The following ST6GALNAC5 variants were observed in gnomAD, a reference collection of about 807,000 sequenced individuals.
ST6GALNAC5 encodes the protein alpha-N-acetylgalactosaminide alpha-2,6-sialyltransferase 5.
ST6GALNAC5 carries 27 observed loss-of-function variants against 33.6 expected under a neutral mutation model. The ratio of observed to expected loss-of-function variants is 0.80; its 90% CI spans 0.59 to 1.11. The LOEUF (loss-of-function observed/expected upper bound fraction) is 1.11. Among genes scored for constraint, ST6GALNAC5 ranks in the 50% least tolerant of loss-of-function variants. The pLI is 0.00. For synonymous variants in ST6GALNAC5, 194 were observed against 171.2 expected (o/e 1.13, Z -1.04); for missense variants, 428 against 454.0 (o/e 0.94, Z 0.52).
chr1:77,034,399 C>T (rs1432512525), intron 2 of ST6GALNAC5, among the ~76,000 whole-genome samples: 1 of 152,160 alleles, frequency 6.6e-6, no homozygotes, highest in African/African-American at 2.4e-5. Flanking sequence ...TGACCTCACC[C>T]TGACTTACAT....
intron 2 of ST6GALNAC5, among the ~76,000 whole-genome samples, chr1:76,913,097 CT>C (rs1160276336): frequency 1.3e-5 from 2 of 152,002 alleles, no homozygotes; most frequent in Admixed American, 1.3e-4. Context: ...TTCAGGAGCT[CT>C]TTTAGGGCAG....
chr1:77,043,918 C>CT (rs1651916797), intron 2 of ST6GALNAC5, among the ~76,000 whole-genome samples: 1 of 152,148 alleles, frequency 6.6e-6, no homozygotes, highest in African/African-American at 2.4e-5. Flanking sequence ...AGAAACCTTG[C>CT]TGGGTTGATG....
intron 2 of ST6GALNAC5, among the ~76,000 whole-genome samples, chr1:76,915,788 A>G (rs535521915): frequency 5.9e-5 from 9 of 152,156 alleles, no homozygotes; most frequent in African/African-American, 2.2e-4. Flanking sequence ...GCACATGTAT[A>G]CATAGGTAAG....
intron 2 of ST6GALNAC5, among the ~76,000 whole-genome samples, chr1:76,961,707 T>C (rs1311734420): frequency 6.6e-6 from 1 of 152,202 alleles, no homozygotes; most frequent in Non-Finnish European, 1.5e-5. Context: ...TGCTTGGATA[T>C]CTTTCAGATC....
intron 2 of ST6GALNAC5, among the ~76,000 whole-genome samples, chr1:77,038,707 T>C (rs905138744): frequency 6.6e-6 from 1 of 152,252 alleles, no homozygotes; most frequent in African/African-American, 2.4e-5. Context: ...TTCCTTCTGC[T>C]CTTGCTCTTC....
intron 2 of ST6GALNAC5, among the ~76,000 whole-genome samples, chr1:76,958,838 C>T (rs1331176434): frequency 6.6e-6 from 1 of 152,140 alleles, no homozygotes; most frequent in Admixed American, 6.5e-5. Context: ...CCCAAAAAAG[C>T]CATGCCTGGA....
In ST6GALNAC5 at chr1:77,014,198, C is replaced by T. The variant is rs114701107; in HGVS notation, c.262-30006C>T. ...CTCTAACCTTTTCCTCTAACCTTTT[C>T]GGCAGCTCAGATGTGGAGGCTGGAT... On this transcript the variant is annotated intron_variant, in intron 2 of 4. Transcript: ENST00000477717. 2.0e-3 allele frequency among the ~76,000 whole-genome samples: 301 copies of T among 152,300 alleles called. 1 individual carries two copies. Among genetic ancestry groups the T allele is most frequent in the Non-Finnish European group, 3.3e-3 (227 of 68,022 alleles).
intron 2 of ST6GALNAC5, among the ~76,000 whole-genome samples, chr1:76,990,885 C>G (rs938490710): frequency 1.3e-5 from 2 of 152,082 alleles, no homozygotes; most frequent in Non-Finnish European, 2.9e-5. Context: ...GGCAGAGAGC[C>G]TTTACCATTT....
At chr1:76,976,429 A>G (rs759644827) in intron 2 of ST6GALNAC5, among the ~76,000 whole-genome samples, 1 of 152,176 alleles carries the variant, frequency 6.6e-6, no homozygotes, top group Non-Finnish European at 1.5e-5. Flanking sequence ...TGTTGATTAT[A>G]TAAAAAGAAC....
chr1:76,912,135 C>T (rs1275867624), intron 2 of ST6GALNAC5, among the ~76,000 whole-genome samples: 4 of 152,006 alleles, frequency 2.6e-5, no homozygotes, highest in Non-Finnish European at 5.9e-5. Flanking sequence ...TCTTTGTTCT[C>T]GTTGGTTTCA....
chr1:77,061,327 GTTGTCAGAGCCA>G lies in ST6GALNAC5; in HGVS notation c.780-1647_780-1636del, dbSNP rs773980430. 6.3e-3 allele frequency among the ~76,000 whole-genome samples: 960 copies of G among 152,278 alleles called. 4 individuals are homozygous for G. Among genetic ancestry groups the G allele is most frequent in the Non-Finnish European group, 9.9e-3 (676 of 67,996 alleles). On this transcript the variant is annotated intron_variant, in intron 4 of 4. Transcript: ENST00000477717. Reference sequence around the variant, plus strand: ...AGGAGAAACAGCTCAAAGGTTTATTGTTGTCAGAGCCAAAAACATGACACCCCTCTTGATAAA... The same window carrying G: ...AGGAGAAACAGCTCAAAGGTTTATTGAAAACATGACACCCCTCTTGATAAA...
intron 3 of ST6GALNAC5, among the ~76,000 whole-genome samples, chr1:77,045,530 G>T (rs1302835849): frequency 6.6e-6 from 1 of 152,182 alleles, no homozygotes; most frequent in Non-Finnish European, 1.5e-5. Flanking sequence ...TCTCAATCAT[G>T]ATGTAAAAAT....
At chr1:77,045,368 G>A (rs1314404248) in intron 3 of ST6GALNAC5, among the ~76,000 whole-genome samples, 2 of 152,184 alleles carry the variant, frequency 1.3e-5, no homozygotes, top group Non-Finnish European at 2.9e-5. Flanking sequence ...ATTTCAGTTT[G>A]ATAGAGATGG....
chr1:76,875,860 T>C (rs1334126368), intron 2 of ST6GALNAC5, among the ~76,000 whole-genome samples: 1 of 152,014 alleles, frequency 6.6e-6, no homozygotes. Context: ...TAGTTGGCAT[T>C]GTAATTGTGA....
intron 2 of ST6GALNAC5, among the ~76,000 whole-genome samples, chr1:76,972,416 C>T (rs1390212197): frequency 6.6e-6 from 1 of 152,146 alleles, no homozygotes; most frequent in Admixed American, 6.5e-5. Context: ...TGTTACTACT[C>T]TTCCATTTTT....
At chr1:77,051,849 A>T (rs984277307) in intron 4 of ST6GALNAC5, among the ~76,000 whole-genome samples, 6 of 152,230 alleles carry the variant, frequency 3.9e-5, no homozygotes, top group Non-Finnish European at 7.3e-5. Flanking sequence ...TACAGCAGAT[A>T]TAATTATGCA....
At chr1:77,047,670 A>G (rs534800496) in intron 3 of ST6GALNAC5, among the ~76,000 whole-genome samples, 1 of 152,368 alleles carries the variant, frequency 6.6e-6, no homozygotes, top group South Asian at 2.1e-4. Flanking sequence ...GAATAAGGGT[A>G]CATTAGGAAA....
chr1:76,972,736 G>A (rs557210415), intron 2 of ST6GALNAC5, among the ~76,000 whole-genome samples: 2 of 152,238 alleles, frequency 1.3e-5, no homozygotes, highest in African/African-American at 4.8e-5. Context: ...CATCTTGATA[G>A]ATAATGTCAC....
chr1:77,027,413 C>G (rs1242693436), intron 2 of ST6GALNAC5, among the ~76,000 whole-genome samples: 1 of 152,134 alleles, frequency 6.6e-6, no homozygotes, highest in Non-Finnish European at 1.5e-5. Flanking sequence ...GTGTTGAAAA[C>G]TGTGCCAAGC....
Sources: gnomAD v4.1 joint callset for allele counts (sites outside exome capture counted in the v4.1 genomes callset) on GRCh38, gnomAD v4.1.1 for gene constraint, MANE v1.5 for transcripts, NCBI Gene and HGNC (gene_info 2026-07-23, HGNC 2026-07-21) for gene names.